BCL9: variants seen among roughly 807,000 people sequenced by gnomAD.
BCL9 encodes BCL9 transcription coactivator, also known as B-cell CLL/lymphoma 9 protein.
BCL9 carries 25 observed loss-of-function variants against 88.5 expected under a neutral mutation model. The observed-to-expected ratio is 0.28, with a 90% CI of 0.21 to 0.39. The LOEUF (loss-of-function observed/expected upper bound fraction) is 0.39, where lower values mean the gene tolerates loss of function less well. Ranked by LOEUF, BCL9 falls within the 10% of genes least tolerant of loss-of-function variation. The pLI, the probability that BCL9 is intolerant of heterozygous loss-of-function variation, is 1.00. For synonymous variants in BCL9, 711 were observed against 673.3 expected, an observed-to-expected ratio of 1.06 and a Z score of -0.87; for missense variants, 1,817 against 1,877.8, an observed-to-expected ratio of 0.97 and a Z score of 0.60.
chr1:147,594,858 C>T (rs1394169293), intron 1 of BCL9, among the ~76,000 whole-genome samples: 1 of 152,016 alleles, frequency 6.6e-6, no homozygotes, highest in Non-Finnish European at 1.5e-5. Flanking sequence ...ATAGTTGTGG[C>T]AGAGAATGTA....
Position 147,620,230 on chromosome 1 carries a change from A to G in BCL9, c.2075A>G (p.Asp692Gly). Residue 692 changes from aspartate (D) to glycine (G), a missense_variant, in exon 8 of 10, where the codon GAC becomes GGC. Around this residue, in one of 2 missense-constraint regions of BCL9, gnomAD observed 1,228 missense variants for 1,191.6 expected, o/e 1.03. Coordinates refer to ENST00000234739, the MANE Select transcript of BCL9 (RefSeq NM_004326.4). ...GGCCCTCTGAGTCCTTCTAGGGGTG[A>G]CTTTCCAAAAGGAATTCCCCCACAG... ...VEGPLSPSRG[D>G]FPKGIPPQMG... 1 of 1,614,076 alleles carries G rather than the reference A, an allele frequency of 6.2e-7. No homozygotes were observed. The highest frequency in any genetic ancestry group is 8.5e-7 in the Non-Finnish European group (1 of 1,179,976).
rs782068761 is a variant in BCL9, at chr1:147,620,693, G to A, written c.2538G>A (p.Leu846=). 3.1e-6 allele frequency: 5 copies of A among 1,614,064 alleles called. No individual in the cohort carries two copies. Among genetic ancestry groups the A allele is most frequent in the Non-Finnish European group, 4.2e-6 (5 of 1,180,050 alleles). The change falls in exon 8 of 10, where the codon TTG becomes TTA. Residue 846 remains leucine (L), a synonymous_variant. Transcript: ENST00000234739. Reference sequence around the variant, plus strand: ...AGCGCGGCCTGGGGCGGAAGCCCTTGGATATATCTGTGGCAGGCAGCCAGG... The same window carrying A: ...AGCGCGGCCTGGGGCGGAAGCCCTTAGATATATCTGTGGCAGGCAGCCAGG... ...PVQRGLGRKP[L]DISVAGSQVH... is the part of the protein sequence containing the mutation.
chr1:147,612,014 G>A, intron 4 of BCL9, 125 bp downstream of exon 4: 1 of 909,410 alleles, frequency 1.1e-6, no homozygotes, highest in Admixed American at 2.3e-5. Flanking sequence ...GAAAGGAAGA[G>A]AAAATAGACT....
At position 147,620,721 on chromosome 1, in the gene BCL9, C is replaced by T; in HGVS notation, c.2566C>T (p.His856Tyr). The T allele has an allele frequency of 6.2e-7, 1 of 1,614,132 alleles. No individual in the cohort carries two copies. Among genetic ancestry groups the T allele is most frequent in the Non-Finnish European group, 8.5e-7 (1 of 1,180,034 alleles). Reference protein sequence around the residue: ...LDISVAGSQVHSPGINPLKSP... With the variant: ...LDISVAGSQVYSPGINPLKSP... ...TATATCTGTGGCAGGCAGCCAGGTG[C>T]ATTCCCCAGGCATTAACCCTCTGAA... Residue 856 changes from histidine (H) to tyrosine (Y), a missense_variant, in exon 8 of 10, where the codon CAT (histidine) becomes TAT (tyrosine). Around this residue, in one of 2 missense-constraint regions of BCL9, gnomAD observed 1,228 missense variants for 1,191.6 expected, o/e 1.03. Coordinates refer to ENST00000234739, the MANE Select transcript of BCL9 (RefSeq NM_004326.4).
chr1:147,622,615 C>G, intron 9 of BCL9, 84 bp downstream of exon 9: 1 of 1,518,232 alleles, frequency 6.6e-7, no homozygotes, highest in South Asian at 1.2e-5. Flanking sequence ...GGCTATACAC[C>G]TGAATAGGTG....
Position 147,572,217 on chromosome 1 carries a change from G to A in BCL9, c.-478+30543G>A, listed in dbSNP as rs186810704. Among the ~76,000 whole-genome samples the A allele has an allele frequency of 2.7e-3, 408 of 152,136 alleles. 4 individuals carry two copies. The highest frequency in any genetic ancestry group is 9.5e-3 in the African/African-American group (394 of 41,498). Reference sequence around the variant, plus strand: ...AGATTGCGCCACTGCACTCCAGCCTGGGCAAGTAGAGCGAGACTCCGTCTC... The same window carrying A: ...AGATTGCGCCACTGCACTCCAGCCTAGGCAAGTAGAGCGAGACTCCGTCTC... On this transcript the variant is annotated intron_variant, in intron 1 of 9. Transcript: ENST00000234739.
intron 9 of BCL9, 26 bp downstream of exon 9, chr1:147,622,557 G>A: frequency 1.2e-6 from 2 of 1,613,666 alleles, no homozygotes; most frequent in Non-Finnish European, 1.7e-6. Flanking sequence ...GGCAGGTTGT[G>A]GAGTGAGTGC....
At chr1:147,587,788 G>A (rs1553199438) in intron 1 of BCL9, among the ~76,000 whole-genome samples, 1 of 145,182 alleles carries the variant, frequency 6.9e-6, no homozygotes, top group East Asian at 1.9e-4. Context: ...GTGTGTGTGT[G>A]TGTGTGTGGT....
intron 1 of BCL9, among the ~76,000 whole-genome samples, chr1:147,575,937 TGTG>T (rs1372469334): frequency 6.6e-6 from 1 of 152,200 alleles, no homozygotes; most frequent in Non-Finnish European, 1.5e-5. Context: ...GATTCCCAGC[TGTG>T]GTTTTGGCAC....
Position 147,620,738 on chromosome 1 carries a change from C to T in BCL9, c.2583C>T (p.Asn861=). Residue 861 remains asparagine (N), a synonymous_variant, in exon 8 of 10, where the codon AAC becomes AAT. Transcript: ENST00000234739. ...GCCAGGTGCATTCCCCAGGCATTAACCCTCTGAAGTCTCCCACGATGCACC... is the reference window on the plus strand; with the variant it reads ...GCCAGGTGCATTCCCCAGGCATTAATCCTCTGAAGTCTCCCACGATGCACC... The part of the protein sequence containing the change: ...AGSQVHSPGI[N]PLKSPTMHQV... The T allele has an allele frequency of 6.2e-6, 10 of 1,614,158 alleles. No individual in the cohort carries two copies. Among genetic ancestry groups the T allele is most frequent in the Non-Finnish European group, 8.5e-6 (10 of 1,180,048 alleles).
At chr1:147,589,769 C>T (rs1656770489) in intron 1 of BCL9, among the ~76,000 whole-genome samples, 1 of 152,144 alleles carries the variant, frequency 6.6e-6, no homozygotes, top group South Asian at 2.1e-4. Flanking sequence ...CACTTTTTGG[C>T]TATTAGGAAT....
rs113593887 is a variant in BCL9, at chr1:147,611,949, G to A, written c.53+60G>A. On this transcript the variant is annotated intron_variant, in intron 4 of 9. Transcript: ENST00000234739. ...CTTGGGGATGCCATAGGCACATCATGAACACTCATTGGTGAAACAGTATGT... is the reference window on the plus strand; with the variant it reads ...CTTGGGGATGCCATAGGCACATCATAAACACTCATTGGTGAAACAGTATGT... The A allele has an allele frequency of 6.6e-5, 98 of 1,493,186 alleles. 1 individual carries two copies. In the African/African-American group the frequency reaches 1.1e-3, roughly 16 times the overall value. The allele number at this position is 1,493,186 out of a possible 1,614,324, so 92.5% of individuals were successfully genotyped here. A position where few individuals can be genotyped will look rare whatever the true frequency, so the allele number is the denominator to read the frequency against.
intron 1 of BCL9, among the ~76,000 whole-genome samples, chr1:147,552,591 A>T (rs782304777): frequency 6.6e-6 from 1 of 152,234 alleles, no homozygotes; most frequent in Non-Finnish European, 1.5e-5. Context: ...GGGCAAAAAG[A>T]GTGAAACTCT....
rs1553205239 is a variant in BCL9, at chr1:147,620,892, T to TCTG, written c.2746_2748dup (p.Ala916dup). 4.3e-6 allele frequency: 7 copies of TCTG among 1,613,904 alleles called. No homozygotes were observed. The Admixed American group carries it at 1.2e-4, about 27-fold the overall frequency. ...CATTAAGTCCCCCCCTGTTTTGGGGTCTGCTGCTGCTTCACCTGTCCACCT... is the reference window on the plus strand; with the variant it reads ...CATTAAGTCCCCCCCTGTTTTGGGGTCTGCTGCTGCTGCTTCACCTGTCCACCT... On this transcript the variant is annotated inframe_insertion, in exon 8 of 10. Coordinates refer to ENST00000234739, the MANE Select transcript of BCL9 (RefSeq NM_004326.4).
intron 1 of BCL9, among the ~76,000 whole-genome samples, chr1:147,599,947 G>T (rs1657271016): frequency 6.6e-6 from 1 of 151,564 alleles, no homozygotes; most frequent in African/African-American, 2.4e-5. Flanking sequence ...GCCCTTGCTG[G>T]TCGCGGGGCC....
chr1:147,551,485 G>T (rs1258094161), intron 1 of BCL9, among the ~76,000 whole-genome samples: 4 of 152,176 alleles, frequency 2.6e-5, no homozygotes, highest in Non-Finnish European at 5.9e-5. Context: ...TTTGGATAGG[G>T]TACTGTTACG....
chr1:147,623,783 T>C (rs1658777629), intron 9 of BCL9, 59 bp from the exon 10 acceptor site: 4 of 1,523,522 alleles, frequency 2.6e-6, no homozygotes, highest in African/African-American at 1.4e-5. Flanking sequence ...TAATTTATTA[T>C]AGTTTTTCTG....
intron 1 of BCL9, among the ~76,000 whole-genome samples, chr1:147,562,244 G>A (rs891365100): frequency 7.2e-5 from 11 of 152,108 alleles, no homozygotes; most frequent in Non-Finnish European, 1.3e-4. Context: ...CAGGAGACTC[G>A]CTTGAACTCA....
At chr1:147,607,959 A>G (rs587710252) in intron 3 of BCL9, among the ~76,000 whole-genome samples, 2 of 152,316 alleles carry the variant, frequency 1.3e-5, no homozygotes, top group African/African-American at 4.8e-5. Flanking sequence ...GATGACTCAG[A>G]GTAGAGTCCA....
Sources: allele counts gnomAD v4.1 joint callset (sites outside exome capture counted in the v4.1 genomes callset), GRCh38; gene constraint gnomAD v4.1.1; regional missense constraint gnomAD v4.1.1; transcripts MANE v1.5; gene names NCBI Gene and HGNC (gene_info 2026-07-23, HGNC 2026-07-21).